RAD50: variants seen among roughly 807,000 people sequenced by gnomAD.
The protein encoded by RAD50 is DNA repair protein RAD50.
RAD50 carries 132 observed loss-of-function variants against 168.8 expected under a neutral mutation model. The observed-to-expected ratio is 0.78, with a 90% CI of 0.68 to 0.90. The LOEUF (loss-of-function observed/expected upper bound fraction) is 0.90. RAD50 is among the 40% of genes least tolerant of loss of function. The pLI is 0.00. For synonymous variants in RAD50, 525 were observed against 497.4 expected, an observed-to-expected ratio of 1.06 and a Z score of -0.74; for missense variants, 1,347 against 1,534.4, an observed-to-expected ratio of 0.88 and a Z score of 2.04.
intron 2 of RAD50, among the ~76,000 whole-genome samples, chr5:132,572,805 T>A (rs934504229): frequency 1.3e-5 from 2 of 152,250 alleles, no homozygotes; most frequent in Non-Finnish European, 2.9e-5. Context: ...TATCAGCATC[T>A]AACTTTTTGT....
intron 1 of RAD50, 65 bp downstream of exon 1, chr5:132,557,518 G>A (rs2149830258): frequency 6.3e-7 from 1 of 1,598,468 alleles, no homozygotes; most frequent in Non-Finnish European, 8.6e-7. Context: ...AAAATGGGAA[G>A]TTGAGAACTC....
At chr5:132,633,649 T>A (rs1034439943) in intron 21 of RAD50, among the ~76,000 whole-genome samples, 6 of 151,918 alleles carry the variant, frequency 3.9e-5, no homozygotes, top group African/African-American at 1.5e-4. Context: ...GATCACAGCT[T>A]ACTGTAGCTT....
rs11742048 is a variant in RAD50 at position 132,577,290 on chromosome 5, C to T, written c.365+1362C>T. Among the ~76,000 whole-genome samples, 530 of 152,262 alleles carry T rather than the reference C, an allele frequency of 3.5e-3. 3 individuals are homozygous for T. Among genetic ancestry groups the T allele is most frequent in the Non-Finnish European group, 2.7e-3 (185 of 68,014 alleles). On this transcript the variant is annotated intron_variant, in intron 3 of 24. Transcript: ENST00000378823. ...TCTTCTTCTCTCTTCTTCTGCCTTCCTCTCTCACATTAAAGGACCCATGTG... is the reference window on the plus strand; with the variant it reads ...TCTTCTTCTCTCTTCTTCTGCCTTCTTCTCTCACATTAAAGGACCCATGTG...
At chr5:132,601,983 G>A (rs1487516119) in intron 13 of RAD50, among the ~76,000 whole-genome samples, 1 of 152,122 alleles carries the variant, frequency 6.6e-6, no homozygotes, top group Non-Finnish European at 1.5e-5. Flanking sequence ...CTGTCTGCTG[G>A]TGGGGGGCTA....
At chr5:132,630,073 G>C (rs1341035221) in intron 21 of RAD50, among the ~76,000 whole-genome samples, 1 of 139,594 alleles carries the variant, frequency 7.2e-6, no homozygotes, top group African/African-American at 2.7e-5. Flanking sequence ...ACAGAGTTTC[G>C]CTCTTTTTGC....
rs78957441 is a variant in RAD50 at position 132,592,147 on chromosome 5, A to C, written c.1793+113A>C. The stretch of plus-strand genomic sequence containing the variant: ...ATGGTATGTTATATTGATAAACTTT[A>C]GTTCTTACATACAAGGAGACTTCAG... On this transcript the variant is annotated intron_variant, in intron 11 of 24. Transcript: ENST00000378823. 3.5e-4 allele frequency: 404 copies of C among 1,165,446 alleles called. 4 individuals are homozygous for C. In the East Asian group the frequency reaches 9.9e-3, roughly 28 times the overall value. The allele number at this position is 1,165,446 out of a possible 1,614,324, so 72.2% of individuals were successfully genotyped here. A position where few individuals can be genotyped will look rare whatever the true frequency, so the allele number is the denominator to read the frequency against.
At chr5:132,621,117 T>C (rs1214727856) in intron 21 of RAD50, among the ~76,000 whole-genome samples, 1 of 152,196 alleles carries the variant, frequency 6.6e-6, no homozygotes, top group Non-Finnish European at 1.5e-5. Context: ...TAAATACTTA[T>C]TTGACTTAAA....
At position 132,595,413 on chromosome 5, in the gene RAD50, C is replaced by T. The variant is rs1045407398; in HGVS notation, c.1970-160C>T. The T allele has an allele frequency of 8.2e-5, 41 of 497,334 alleles. 1 individual carries two copies. In the South Asian group the frequency reaches 1.3e-3, roughly 16 times the overall value. The allele number at this position is 497,334 out of a possible 1,614,324, so 30.8% of individuals were successfully genotyped here. A position where few individuals can be genotyped will look rare whatever the true frequency, so the allele number is the denominator to read the frequency against. ...CTGAATGTATCATGCTCTTTGGAAG[C>T]GAATATCGGAATTTTAAATATCAGA... On this transcript the variant is annotated intron_variant, in intron 12 of 24. Transcript: ENST00000378823.
intron 13 of RAD50, among the ~76,000 whole-genome samples, chr5:132,599,720 AC>A (rs1414399547): frequency 6.6e-6 from 1 of 151,868 alleles, no homozygotes; most frequent in East Asian, 1.9e-4. Context: ...ACCATGCCCA[AC>A]CAAGAGGACT....
intron 23 of RAD50, 117 bp from the exon 24 acceptor site, chr5:132,640,555 C>A: frequency 7.1e-7 from 1 of 1,411,564 alleles, no homozygotes; most frequent in Non-Finnish European, 1.0e-6. Context: ...CTTTACCTAA[C>A]AGTGAACCTG....
At chr5:132,608,924 A>G (rs1414738499) in intron 17 of RAD50, among the ~76,000 whole-genome samples, 193 bp from the exon 18 acceptor site, 1 of 152,176 alleles carries the variant, frequency 6.6e-6, no homozygotes, top group East Asian at 1.9e-4. Flanking sequence ...TTGATCTACA[A>G]TAGAAGTTAA....
chr5:132,631,691 C>G (rs1751477118), intron 21 of RAD50, among the ~76,000 whole-genome samples: 1 of 152,134 alleles, frequency 6.6e-6, no homozygotes, highest in African/African-American at 2.4e-5. Context: ...AATTGGGCCA[C>G]TATATGTCAC....
intron 23 of RAD50, among the ~76,000 whole-genome samples, chr5:132,639,651 A>G (rs1751674212): frequency 6.6e-6 from 1 of 152,228 alleles, no homozygotes. Context: ...ATTAGCAATA[A>G]TTGTCTCCTT....
rs551634678 is a variant in RAD50, at chr5:132,576,997, A to G, written c.365+1069A>G. Reference sequence around the variant, plus strand: ...CATGTATTAGTCTTCTATGACTGCTATAAGAAACCACAAACTTAGTGCTAT... The same window carrying G: ...CATGTATTAGTCTTCTATGACTGCTGTAAGAAACCACAAACTTAGTGCTAT... On this transcript the variant is annotated intron_variant, in intron 3 of 24. Coordinates refer to ENST00000378823, the MANE Select transcript of RAD50 (RefSeq NM_005732.4). Among the ~76,000 whole-genome samples the G allele has an allele frequency of 1.3e-4, 20 of 152,362 alleles. 1 individual carries two copies. In the South Asian group the frequency reaches 3.5e-3, roughly 27 times the overall value.
chr5:132,635,995 T>G (rs1206337881), intron 21 of RAD50, among the ~76,000 whole-genome samples: 1 of 152,254 alleles, frequency 6.6e-6, no homozygotes. Context: ...TGTATTTATG[T>G]TGAGTCATTT....
intron 21 of RAD50, among the ~76,000 whole-genome samples, chr5:132,619,533 G>A (rs1751238415): frequency 6.6e-6 from 1 of 151,986 alleles, no homozygotes; most frequent in Non-Finnish European, 1.5e-5. Flanking sequence ...CCAAAGTGCT[G>A]GGGTCACAGG....
intron 2 of RAD50, among the ~76,000 whole-genome samples, chr5:132,574,724 T>G (rs1432603778): frequency 6.6e-6 from 1 of 152,228 alleles, no homozygotes; most frequent in Non-Finnish European, 1.5e-5. Flanking sequence ...ACCGCTTGAA[T>G]GCTTTACTGC....
Position 132,618,285 on chromosome 5 carries a change from C to T in RAD50, c.3380C>T (p.Thr1127Ile), listed in dbSNP as rs1395170959. 22 of 1,613,870 alleles carry T rather than the reference C, an allele frequency of 1.4e-5. No homozygotes were observed. The East Asian group carries it at 4.9e-4, about 36-fold the overall frequency. ...AAGGATCTGGATATTTATTATAAGA[C>T]TCTTGACCAGTAAGTATTAGACTGG... ...VNKDLDIYYK[T>I]LDQAIMKFHS... The change falls in exon 21 of 25, where the codon ACT (threonine) becomes ATT (isoleucine). Residue 1127 changes from threonine to isoleucine, a missense_variant. Physicochemically the swap from Thr to Ile is moderately conservative, Grantham distance 89. Transcript: ENST00000378823.
chr5:132,625,330 C>T (rs1041960035), intron 21 of RAD50, among the ~76,000 whole-genome samples: 3 of 152,106 alleles, frequency 2.0e-5, no homozygotes, highest in Non-Finnish European at 4.4e-5. Flanking sequence ...TCGTGATCCG[C>T]CCGCCTCGGC....
Sources: gnomAD v4.1 joint callset for allele counts (sites outside exome capture counted in the v4.1 genomes callset) on GRCh38, gnomAD v4.1.1 for gene constraint, MANE v1.5 for transcripts, NCBI Gene and HGNC (gene_info 2026-07-23, HGNC 2026-07-21) for gene names.